LRRC61: variants seen among roughly 807,000 people sequenced by gnomAD.
LRRC61 encodes leucine-rich repeat-containing protein 61.
LRRC61 carries 9 observed loss-of-function variants against 15.1 expected under a neutral mutation model. That is an observed-to-expected ratio of 0.60 (90% CI 0.36 to 1.04). The LOEUF is 1.04. Among genes scored for constraint, LRRC61 ranks in the 50% least tolerant of loss-of-function variants. The pLI is 0.01. For missense variants in LRRC61, 344 were observed against 335.6 expected (o/e 1.03, Z -0.20); for synonymous variants, 173 against 158.6 (o/e 1.09, Z -0.68).
At chr7:150,334,112 T>C (rs1798203717) in intron 2 of LRRC61, 2 of 985,358 alleles carry the variant, frequency 2.0e-6, no homozygotes, top group Non-Finnish European at 2.4e-6. Context: ...CACAGTTGCC[T>C]GCCTCTGTCT....
At chr7:150,322,159 G>A (rs1231848730), upstream of LRRC61, among the ~76,000 whole-genome samples, 2 of 152,216 alleles carry the variant, frequency 1.3e-5, no homozygotes, top group Non-Finnish European at 2.9e-5. Context: ...ATGTTCTCTG[G>A]GTTAGGTGTT....
chr7:150,314,047 C>T, the LRRC61 span, among the ~76,000 whole-genome samples: 2,094 of 152,312 alleles, frequency 0.014, 47 homozygotes, highest in African/African-American at 0.047. Flanking sequence ...CCCTCCAGGG[C>T]GAGTGAGCTT....
intron 1 of LRRC61, among the ~76,000 whole-genome samples, chr7:150,324,787 G>C (rs1797890933): frequency 6.6e-6 from 1 of 152,022 alleles, no homozygotes; most frequent in Admixed American, 6.6e-5. Flanking sequence ...TCTGTTTAGG[G>C]ACAGAGCCAA....
At chr7:150,315,685 G>A in the LRRC61 span, among the ~76,000 whole-genome samples, 1 of 152,036 alleles carries the variant, frequency 6.6e-6, no homozygotes, top group East Asian at 1.9e-4. Flanking sequence ...CCCCTCCCTG[G>A]GTCATTGTTA....
chr7:150,317,308 C>T, the LRRC61 span, among the ~76,000 whole-genome samples: 2 of 152,148 alleles, frequency 1.3e-5, no homozygotes, highest in African/African-American at 2.4e-5. Flanking sequence ...CCTTGGTGGC[C>T]TCCCAAAGTG....
chr7:150,331,383 A>G (rs1023600636), intron 2 of LRRC61: 1 of 394,802 alleles, frequency 2.5e-6, no homozygotes, highest in Non-Finnish European at 4.7e-6. Context: ...AATAGGTCAA[A>G]GCAGAGAGCT....
In LRRC61 at chr7:150,337,328, G is replaced by A; in HGVS notation, c.467G>A (p.Gly156Asp). 2 of 1,604,038 alleles carry A rather than the reference G, an allele frequency of 1.2e-6. No individual in the cohort carries two copies. Among genetic ancestry groups the A allele is most frequent in the Non-Finnish European group, 1.7e-6 (2 of 1,179,934 alleles). The change falls in exon 3 of 3, where the codon GGC becomes GAC. Residue 156 changes from glycine (G) to aspartate (D), a missense_variant. Coordinates refer to ENST00000359623, the MANE Select transcript of LRRC61 (RefSeq NM_001142928.2). ...GCTGCAGTCCGGGAGCTGCTGCCTG[G>A]CCTGAAAGTCATCGACGGTGAGCGT... Reference protein sequence around the residue: ...YWAAVRELLPGLKVIDGERVI... With the variant: ...YWAAVRELLPDLKVIDGERVI...
intron 1 of LRRC61, among the ~76,000 whole-genome samples, 173 bp from the exon 2 acceptor site, chr7:150,325,668 G>A (rs982222320): frequency 6.6e-6 from 1 of 152,020 alleles, no homozygotes; most frequent in African/African-American, 2.4e-5. Flanking sequence ...ACAAGGTTTC[G>A]CCATCTTGCC....
In LRRC61 at chr7:150,330,853, C is replaced by T. The variant is rs772424036; in HGVS notation, c.-145+4843C>T. On this transcript the variant is annotated intron_variant, in intron 2 of 2. Transcript: ENST00000359623. The surrounding 1 kb of genome is among the most constrained non-coding windows in gnomAD (Gnocchi z 4.6). ...GTGGAGGGGAGAAGCCAGGGGGAGC[C>T]TCTGCAGAGCAGCAGCCACTCTGGG... 1.9e-6 allele frequency: 3 copies of T among 1,608,810 alleles called. No individual in the cohort carries two copies. Among genetic ancestry groups the T allele is most frequent in the South Asian group, 2.2e-5 (2 of 90,982 alleles).
Position 150,330,948 on chromosome 7 carries a change from G to A in LRRC61, c.-145+4938G>A, listed in dbSNP as rs373125727. The A allele has an allele frequency of 1.3e-5, 21 of 1,611,954 alleles. No homozygotes were observed. The highest frequency in any genetic ancestry group is 4.4e-5 in the South Asian group (4 of 91,038). The stretch of plus-strand genomic sequence containing the variant: ...GGGGCTGCTGGCCTCTGAGAGAAGC[G>A]GGGGCTCGCTGTCCACCAAGAGCCA... On this transcript the variant is annotated intron_variant, in intron 2 of 2. Transcript: ENST00000359623. The surrounding 1 kb of genome is among the most constrained non-coding windows in gnomAD (Gnocchi z 4.6).
At chr7:150,324,636 T>A (rs1797881282) in intron 1 of LRRC61, among the ~76,000 whole-genome samples, 1 of 152,152 alleles carries the variant, frequency 6.6e-6, no homozygotes, top group South Asian at 2.1e-4. Flanking sequence ...CCCATCCTAC[T>A]TTCTCTGTCA....
At chr7:150,313,371 C>T in the LRRC61 span, among the ~76,000 whole-genome samples, 6 of 152,060 alleles carry the variant, frequency 3.9e-5, no homozygotes, top group African/African-American at 9.7e-5. Flanking sequence ...CATTGGCAAT[C>T]GGTTGAAAGG....
chr7:150,336,870 T>C lies in LRRC61; in HGVS notation c.9T>C (p.Pro3=), dbSNP rs1455049315. Residue 3 remains proline, a synonymous_variant, in exon 3 of 3, where the codon CCT becomes CCC. Coordinates refer to ENST00000359623, the MANE Select transcript of LRRC61 (RefSeq NM_001142928.2). The part of the protein sequence containing the change: MD[P]PAEKPGEAGG... Reference sequence around the variant, plus strand: ...CAACCGACTTCCATCTCATGGACCCTCCAGCGGAGAAGCCGGGAGAGGCTG... The same window carrying C: ...CAACCGACTTCCATCTCATGGACCCCCCAGCGGAGAAGCCGGGAGAGGCTG... 1 of 1,611,570 alleles carries C rather than the reference T, an allele frequency of 6.2e-7. No individual in the cohort carries two copies. The highest frequency in any genetic ancestry group is 1.7e-5 in the Admixed American group (1 of 59,932).
chr7:150,328,397 A>G (rs1798009439), intron 2 of LRRC61, among the ~76,000 whole-genome samples: 1 of 152,252 alleles, frequency 6.6e-6, no homozygotes, highest in South Asian at 2.1e-4. Flanking sequence ...AAACCCCAAA[A>G]AAACATGGAG....
chr7:150,328,943 T>G (rs971950471), intron 2 of LRRC61, among the ~76,000 whole-genome samples: 1 of 152,112 alleles, frequency 6.6e-6, no homozygotes, highest in African/African-American at 2.4e-5. Context: ...TGCCCTAGGA[T>G]TAGGAAACCC....
intron 2 of LRRC61, chr7:150,331,075 C>T (rs1798094877): frequency 6.2e-7 from 1 of 1,613,236 alleles, no homozygotes; most frequent in African/African-American, 1.3e-5. Context: ...GAAGCCTGGC[C>T]ACCATCTATC....
chr7:150,322,065 TC>T (rs759045653), upstream of LRRC61, among the ~76,000 whole-genome samples: 1 of 152,266 alleles, frequency 6.6e-6, no homozygotes, highest in Non-Finnish European at 1.5e-5. Flanking sequence ...CATTTTGTGC[TC>T]GTCCAGGGAA....
upstream of LRRC61, among the ~76,000 whole-genome samples, chr7:150,321,910 G>A (rs895966973): frequency 2.6e-5 from 4 of 152,176 alleles, no homozygotes; most frequent in African/African-American, 9.7e-5. Context: ...AGCTGAGGTT[G>A]CCCCTGGGAA....
chr7:150,323,231 C>T (rs1797742558), upstream of LRRC61: 1 of 242,782 alleles, frequency 4.1e-6, no homozygotes, highest in Non-Finnish European at 8.2e-6. Context: ...AACGTACCAA[C>T]TGCGAGGCGG....
Sources: allele counts gnomAD v4.1 joint callset (sites outside exome capture counted in the v4.1 genomes callset), GRCh38; gene constraint gnomAD v4.1.1; non-coding constraint Gnocchi (gnomAD v3.1); transcripts MANE v1.5; gene names NCBI Gene and HGNC (gene_info 2026-07-23, HGNC 2026-07-21).